Variants in GLRA2 observed in about 807,000 individuals in gnomAD.
GLRA2 encodes glycine receptor alpha 2, also known as glycine receptor subunit alpha-2.
GLRA2 carries 11 observed loss-of-function variants against 31.6 expected under a neutral mutation model. That is an observed-to-expected ratio of 0.35 (90% CI 0.22 to 0.58). GLRA2 has a LOEUF of 0.58. GLRA2 is among the 20% of genes least tolerant of loss of function. GLRA2 has a pLI of 0.84. For synonymous variants in GLRA2, 132 were observed against 134.0 expected (o/e 0.99, Z 0.10); for missense variants, 212 against 351.8 (o/e 0.60, Z 3.18).
chrX:14,517,139 T>C, the GLRA2 span, among the ~76,000 whole-genome samples: 1 of 112,437 alleles, frequency 8.9e-6, no homozygotes, highest in East Asian at 2.8e-4. Flanking sequence ...TAACATGCTA[T>C]GTTGATATTA....
intron 7 of GLRA2, among the ~76,000 whole-genome samples, chrX:14,680,158 G>T (rs762868865): frequency 8.9e-6 from 1 of 112,131 alleles, no homozygotes; most frequent in South Asian, 3.7e-4. Flanking sequence ...TTTGATCCAT[G>T]GACTATAATA....
chrX:14,715,877 A>G (rs1271553262), intron 8 of GLRA2, among the ~76,000 whole-genome samples: 1 of 111,976 alleles, frequency 8.9e-6, no homozygotes, highest in Non-Finnish European at 1.9e-5. Flanking sequence ...GCAATGGTCC[A>G]ACGGCATCTA....
the GLRA2 span, among the ~76,000 whole-genome samples, chrX:14,476,021 A>C: frequency 9.0e-6 from 1 of 111,609 alleles, no homozygotes; most frequent in Non-Finnish European, 1.9e-5. Flanking sequence ...CACCTGGCAC[A>C]CTTGTTAAAG....
chrX:14,650,598 G>A (rs1004833124), intron 7 of GLRA2, among the ~76,000 whole-genome samples: 1 of 110,850 alleles, frequency 9.0e-6, no homozygotes, highest in Non-Finnish European at 1.9e-5. Flanking sequence ...AATTCTAGCA[G>A]CAATCTATTT....
At chrX:14,568,713 AAG>A (rs1444781428) in intron 2 of GLRA2, among the ~76,000 whole-genome samples, 10 of 52,249 alleles carry the variant, frequency 1.9e-4, no homozygotes, top group African/African-American at 7.3e-4. Context: ...AAAAAAAGAA[AAG>A]AAAAAAAAGA....
intron 2 of GLRA2, among the ~76,000 whole-genome samples, chrX:14,573,838 G>A (rs1246486586): frequency 9.1e-6 from 1 of 109,917 alleles, no homozygotes; most frequent in Non-Finnish European, 1.9e-5. Flanking sequence ...GAAGGAGTGG[G>A]GTAAATTCAG....
intron 2 of GLRA2, among the ~76,000 whole-genome samples, chrX:14,568,550 G>A (rs755182866): frequency 1.0e-3 from 111 of 110,094 alleles, no homozygotes; most frequent in Non-Finnish European, 1.6e-3. Context: ...AAAATTAGCC[G>A]GGCGTGGTGG....
intron 7 of GLRA2, among the ~76,000 whole-genome samples, chrX:14,646,767 TAGAG>T (rs971591535): frequency 2.1e-4 from 23 of 111,045 alleles, no homozygotes; most frequent in African/African-American, 7.2e-4. Flanking sequence ...TTAACAAAGG[TAGAG>T]AGAATCAATT....
chrX:14,671,785 T>C (rs1368870000), intron 7 of GLRA2, among the ~76,000 whole-genome samples: 1 of 112,819 alleles, frequency 8.9e-6, no homozygotes, highest in Non-Finnish European at 1.9e-5. Flanking sequence ...CATGCAATTG[T>C]TTTTCCTGAA....
At chrX:14,637,929 T>A (rs1335108375) in intron 7 of GLRA2, among the ~76,000 whole-genome samples, 3 of 111,691 alleles carry the variant, frequency 2.7e-5, no homozygotes, top group Non-Finnish European at 5.7e-5. Flanking sequence ...GCTCTTTTTT[T>A]AAACCATCTG....
In GLRA2 at chrX:14,730,889, TATACACACACACACACACAC is replaced by T. The variant is rs1247807518; in HGVS notation, c.*406_*425del. 1.5e-5 allele frequency: 2 copies of T among 129,238 alleles called. No homozygotes were observed. Among genetic ancestry groups the T allele is most frequent in the East Asian group, 1.8e-4 (1 of 5,421 alleles). 10.7% of individuals were successfully genotyped at this position (129,238 alleles called of 1,213,427 possible). ...CTAATTCTGGTACTGAAAAGTTAGC[TATACACACACACACACACAC>T]ACACACACACACACACACACACACA... On this transcript the variant is annotated 3_prime_UTR_variant, in exon 9 of 9. Transcript: ENST00000218075.
intron 7 of GLRA2, among the ~76,000 whole-genome samples, chrX:14,682,892 A>G: frequency 9.0e-6 from 1 of 110,811 alleles, no homozygotes; most frequent in East Asian, 2.8e-4. Flanking sequence ...ATCCTTTTTT[A>G]TGGCTGCATA....
intron 4 of GLRA2, among the ~76,000 whole-genome samples, chrX:14,599,992 G>T (rs774803467): frequency 9.1e-6 from 1 of 110,243 alleles, no homozygotes; most frequent in Non-Finnish European, 1.9e-5. Context: ...CCTTATTATT[G>T]GCACCCACTG....
chrX:14,558,823 G>T (rs1224819600), intron 2 of GLRA2, among the ~76,000 whole-genome samples: 1 of 109,397 alleles, frequency 9.1e-6, no homozygotes, highest in African/African-American at 3.3e-5. Context: ...GCTTTGTCTA[G>T]AATTTTTTTT....
chrX:14,466,749 A>T, the GLRA2 span, among the ~76,000 whole-genome samples: 6 of 112,153 alleles, frequency 5.3e-5, no homozygotes, highest in Admixed American at 4.7e-4. Flanking sequence ...ATCCTGAGGA[A>T]AATCACACTT....
chrX:14,534,034 A>G (rs1030365000), intron 2 of GLRA2, among the ~76,000 whole-genome samples: 1 of 111,157 alleles, frequency 9.0e-6, no homozygotes, highest in African/African-American at 3.3e-5. Flanking sequence ...ACAAAGAGTA[A>G]TAAAACACAC....
chrX:14,709,927 A>G (rs1264880050), intron 8 of GLRA2, among the ~76,000 whole-genome samples: 1 of 111,974 alleles, frequency 8.9e-6, no homozygotes, highest in Non-Finnish European at 1.9e-5. Context: ...AATTCAGGAG[A>G]TAAGATTGGC....
At chrX:14,528,869 C>T (rs1231432660), upstream of GLRA2, among the ~76,000 whole-genome samples, 1 of 111,680 alleles carries the variant, frequency 9.0e-6, no homozygotes, top group Non-Finnish European at 1.9e-5. Flanking sequence ...CTGTGACTTG[C>T]GGATGCCCAA....
At chrX:14,477,960 TTTGGAA>T in the GLRA2 span, among the ~76,000 whole-genome samples, 2 of 110,485 alleles carry the variant, frequency 1.8e-5, no homozygotes, top group Admixed American at 1.9e-4. Context: ...TCCTTGAAAA[TTTGGAA>T]TTGGAATTGC....
Sources: allele counts gnomAD v4.1 joint callset (sites outside exome capture counted in the v4.1 genomes callset), GRCh38; gene constraint gnomAD v4.1.1; transcripts MANE v1.5; gene names NCBI Gene and HGNC (gene_info 2026-07-23, HGNC 2026-07-21).